ZDHHC4: variants seen among roughly 807,000 people sequenced by gnomAD.
ZDHHC4 encodes the protein zDHHC palmitoyltransferase 4.
In ZDHHC4, 42 loss-of-function variants were observed where a neutral mutation model predicts 36.7. That is an observed-to-expected ratio of 1.14 (90% CI 0.89 to 1.48). The LOEUF is 1.48. Among genes scored for constraint, ZDHHC4 ranks in the 40% most tolerant of loss-of-function variants. The pLI is 0.00. For synonymous variants in ZDHHC4, 189 were observed against 166.6 expected, an observed-to-expected ratio of 1.13 and a Z score of -1.03; for missense variants, 457 against 421.5, an observed-to-expected ratio of 1.08 and a Z score of -0.74.
At chr7:6,581,962 C>A in intron 4 of ZDHHC4, 111 bp from the exon 5 acceptor site, 2 of 1,076,460 alleles carry the variant, frequency 1.9e-6, no homozygotes, top group Non-Finnish European at 2.7e-6. Context: ...GTAATTCTTA[C>A]TATTATCTCA....
chr7:6,586,423 TTTC>T (rs1449610865), intron 7 of ZDHHC4, among the ~76,000 whole-genome samples: 1 of 152,182 alleles, frequency 6.6e-6, no homozygotes, highest in South Asian at 2.1e-4. Context: ...CACTGGCTTC[TTTC>T]TTGTGGCACA....
intron 7 of ZDHHC4, among the ~76,000 whole-genome samples, chr7:6,586,404 G>A (rs757077337): frequency 6.6e-6 from 1 of 152,130 alleles, no homozygotes; most frequent in Non-Finnish European, 1.5e-5. Flanking sequence ...TGCAATATAT[G>A]GTCTTTTCCA....
chr7:6,581,958 C>G (rs1780881490), intron 4 of ZDHHC4, 115 bp from the exon 5 acceptor site: 11 of 1,043,084 alleles, frequency 1.1e-5, no homozygotes, highest in Non-Finnish European at 1.4e-5. Context: ...CTATGTAATT[C>G]TTACTATTAT....
At chr7:6,579,625 G>T (rs914515831) in intron 2 of ZDHHC4, among the ~76,000 whole-genome samples, 1 of 152,178 alleles carries the variant, frequency 6.6e-6, no homozygotes, top group African/African-American at 2.4e-5. Flanking sequence ...CTGGGTGCAG[G>T]GCTCCTGACT....
In ZDHHC4 at chr7:6,580,651, GA is replaced by G. The variant is rs747960444; in HGVS notation, c.93del (p.Gly32AlafsTer13). The G allele has an allele frequency of 1.9e-6, 3 of 1,614,152 alleles. No homozygotes were observed. The highest frequency in any genetic ancestry group is 2.2e-5 in the South Asian group (2 of 91,080). On this transcript the variant is annotated frameshift_variant, in exon 3 of 8. Transcript: ENST00000335965. LOFTEE classifies it high-confidence loss of function. Reference protein sequence around the residue: ...ICVCSKTHSLKGLARGGAQIF... With the variant: ...ICVCSKTHSLXGLARGGAQIF... ...GCGTCTGCTCGAAAACCCATAGCTT[GA>G]AAGGCCTGGCCAGGGGAGGAGCACA... is the stretch of plus-strand genomic sequence containing the variant.
chr7:6,579,969 C>T (rs1350220058), intron 2 of ZDHHC4, among the ~76,000 whole-genome samples: 2 of 151,806 alleles, frequency 1.3e-5, no homozygotes, highest in African/African-American at 4.8e-5. Context: ...AACCTCATCT[C>T]TACTAAAAAT....
chr7:6,586,182 TATC>T (rs1160985044), intron 7 of ZDHHC4, among the ~76,000 whole-genome samples: 8 of 151,872 alleles, frequency 5.3e-5, no homozygotes, highest in Admixed American at 2.6e-4. Context: ...AAAATTCACA[TATC>T]ATAAAATTCA....
chr7:6,584,755 C>T, intron 6 of ZDHHC4: 1 of 490,972 alleles, frequency 2.0e-6, no homozygotes, highest in South Asian at 2.2e-5. Context: ...CGCCTAGCCT[C>T]TGAGTAGCTG....
chr7:6,582,820 G>T (rs1431012006), intron 5 of ZDHHC4, among the ~76,000 whole-genome samples: 1 of 152,044 alleles, frequency 6.6e-6, no homozygotes, highest in Non-Finnish European at 1.5e-5. Flanking sequence ...TGGCAGAATT[G>T]TACACTTTAA....
chr7:6,583,464 TCCAACA>T (rs1781012260), intron 6 of ZDHHC4, 33 bp downstream of exon 6: 2 of 1,589,194 alleles, frequency 1.3e-6, no homozygotes, highest in Non-Finnish European at 1.7e-6. Flanking sequence ...CAGCGGCACC[TCCAACA>T]GCACATGTGT....
chr7:6,581,550 T>G, intron 3 of ZDHHC4, 57 bp from the exon 4 acceptor site: 1 of 1,360,354 alleles, frequency 7.4e-7, no homozygotes, highest in South Asian at 1.2e-5. Flanking sequence ...TCTGATTTGT[T>G]TGGGAGTGGA....
rs994419781 is a variant in ZDHHC4, at chr7:6,583,355, T to C, written c.420T>C (p.Phe140=). The C allele has an allele frequency of 6.2e-7, 1 of 1,613,846 alleles. No homozygotes were observed. Among genetic ancestry groups the C allele is most frequent in the Non-Finnish European group, 8.5e-7 (1 of 1,179,882 alleles). The part of the protein sequence containing the change: ...NELLFLHVYE[F]DEVMFPKNVR... The stretch of plus-strand genomic sequence containing the variant: ...TATTATTTCTTCATGTTTATGAATT[T>C]GATGAAGTGATGTTTCCAAAGAACG... Residue 140 remains phenylalanine, a synonymous_variant, in exon 6 of 8, where the codon TTT becomes TTC. Coordinates refer to ENST00000335965, the MANE Select transcript of ZDHHC4 (RefSeq NM_001134389.2).
chr7:6,579,143 T>C (rs974815096), intron 2 of ZDHHC4, among the ~76,000 whole-genome samples: 1 of 122,128 alleles, frequency 8.2e-6, no homozygotes, highest in South Asian at 2.5e-4. Flanking sequence ...ACCTTTTTTT[T>C]CTTCTTTTTT....
chr7:6,578,985 G>C (rs1780641356), intron 2 of ZDHHC4, among the ~76,000 whole-genome samples: 1 of 151,944 alleles, frequency 6.6e-6, no homozygotes. Context: ...ACCACACTTG[G>C]CTAATTTTTG....
chr7:6,583,192 A>T, intron 5 of ZDHHC4, 114 bp from the exon 6 acceptor site: 3 of 1,204,342 alleles, frequency 2.5e-6, no homozygotes, highest in Non-Finnish European at 3.5e-6. Context: ...AAAAAAAAAG[A>T]ATTACTTACG....
At chr7:6,583,895 A>G (rs1781043756) in intron 6 of ZDHHC4, 3 of 152,984 alleles carry the variant, frequency 2.0e-5, no homozygotes, top group Admixed American at 6.6e-5. Context: ...CCATGGGGAA[A>G]CCCCACCTCT....
chr7:6,582,793 G>T (rs1486067406), intron 5 of ZDHHC4, among the ~76,000 whole-genome samples: 4 of 152,128 alleles, frequency 2.6e-5, no homozygotes, highest in African/African-American at 9.7e-5. Flanking sequence ...TGAGACTACA[G>T]GCGTGAGCCA....
At position 6,583,391 on chromosome 7, in the gene ZDHHC4, T is replaced by C. The variant is rs1781004892; in HGVS notation, c.456T>C (p.Ser152=). 2 of 1,613,770 alleles carry C rather than the reference T, an allele frequency of 1.2e-6. No individual in the cohort carries two copies. Among genetic ancestry groups the C allele is most frequent in the South Asian group, 2.2e-5 (2 of 91,046 alleles). The change falls in exon 6 of 8, where the codon TCT becomes TCC. Residue 152 remains serine (S), a synonymous_variant. Coordinates refer to ENST00000335965, the MANE Select transcript of ZDHHC4 (RefSeq NM_001134389.2). ...EVMFPKNVRC[S]TCDLRKPARS... is the part of the protein sequence containing the mutation. ...TGTTTCCAAAGAACGTGAGGTGCTC[T>C]ACTTGTGATTTAAGGAAACCAGCTC...
intron 3 of ZDHHC4, 59 bp from the exon 4 acceptor site, chr7:6,581,548 G>A (rs1780854533): frequency 7.4e-7 from 1 of 1,347,556 alleles, no homozygotes. Flanking sequence ...TGTCTGATTT[G>A]TTTGGGAGTG....
Sources: gnomAD v4.1 joint callset for allele counts (sites outside exome capture counted in the v4.1 genomes callset) on GRCh38, gnomAD v4.1.1 for gene constraint, MANE v1.5 for transcripts, NCBI Gene and HGNC (gene_info 2026-07-23, HGNC 2026-07-21) for gene names.